The following ZP1 variants were observed in gnomAD, a reference collection of about 807,000 sequenced individuals.
ZP1 encodes the protein zona pellucida sperm-binding protein 1.
A neutral mutation model predicts 67.4 loss-of-function variants in ZP1; 58 were observed. The ratio of observed to expected loss-of-function variants is 0.86; its 90% CI spans 0.70 to 1.07. The LOEUF (loss-of-function observed/expected upper bound fraction) is 1.07. ZP1 is among the 50% of genes least tolerant of loss of function. The pLI is 0.00. For synonymous variants in ZP1, 333 were observed against 332.7 expected (o/e 1.00, Z -0.01); for missense variants, 759 against 807.3 (o/e 0.94, Z 0.72).
rs1219662511 is a variant in ZP1 at position 60,869,167 on chromosome 11, TG to T, written c.220del (p.Val74SerfsTer39). ...VVDEFGNRFDVNNCSICYHWV... is the reference protein window; with the variant it reads ...VVDEFGNRFDXNNCSICYHWV... Reference sequence around the variant, plus strand: ...CAGATGAATTTGGGAACCGATTTGATGTCAACAACTGCTCCATCTGCTACCA... The same window carrying T: ...CAGATGAATTTGGGAACCGATTTGATTCAACAACTGCTCCATCTGCTACCA... On this transcript the variant is annotated frameshift_variant, in exon 2 of 12. Coordinates refer to ENST00000278853, the MANE Select transcript of ZP1 (RefSeq NM_207341.4). LOFTEE classifies it high-confidence loss of function. 2.5e-6 allele frequency: 4 copies of T among 1,614,014 alleles called. No homozygotes were observed. The highest frequency in any genetic ancestry group is 1.1e-5 in the South Asian group (1 of 91,084).
rs777489632 is a variant in ZP1 at position 60,873,508 on chromosome 11, G to C, written c.1374G>C (p.Trp458Cys). The change falls in exon 8 of 12, where the codon TGG becomes TGC. Residue 458 changes from tryptophan to cysteine, a missense_variant. By Grantham distance (215) the Trp-to-Cys change is radical. Transcript: ENST00000278853. ...TGGTCCTGCTGCTGCACCAGTGCTGGGGCGCTCCCAGTGCCAACCCCTTCC... is the reference window on the plus strand; with the variant it reads ...TGGTCCTGCTGCTGCACCAGTGCTGCGGCGCTCCCAGTGCCAACCCCTTCC... ...PNLVLLLHQC[W>C]GAPSANPFQQ... The C allele has an allele frequency of 1.2e-6, 2 of 1,613,218 alleles. No individual in the cohort carries two copies. Among genetic ancestry groups the C allele is most frequent in the Non-Finnish European group, 1.7e-6 (2 of 1,179,586 alleles).
In ZP1 at chr11:60,871,325, CCCT is replaced by C; in HGVS notation, c.1112+18_1112+20del. 1 of 1,613,022 alleles carries C rather than the reference CCCT, an allele frequency of 6.2e-7. No individual in the cohort carries two copies. The highest frequency in any genetic ancestry group is 1.3e-5 in the African/African-American group (1 of 75,050). Reference sequence around the variant, plus strand: ...GGACAGCACCTTCCAGTAAGGGCAGCCCTCCTCCTACAGGCGTGGCTGTGTGCT... The same window carrying C: ...GGACAGCACCTTCCAGTAAGGGCAGCCCTCCTACAGGCGTGGCTGTGTGCT... On this transcript the variant is annotated intron_variant, in intron 6 of 11. Coordinates refer to ENST00000278853, the MANE Select transcript of ZP1 (RefSeq NM_207341.4).
intron 9 of ZP1, 33 bp from the exon 10 acceptor site, chr11:60,874,900 C>A (rs2134840239): frequency 6.2e-7 from 1 of 1,610,142 alleles, no homozygotes; most frequent in Non-Finnish European, 8.5e-7. Context: ...TGGCACTGAG[C>A]CAGCCACTTT....
At chr11:60,867,885 C>T (rs1485510666) in intron 1 of ZP1, 128 bp downstream of exon 1, 6 of 1,015,290 alleles carry the variant, frequency 5.9e-6, no homozygotes, top group Non-Finnish European at 7.1e-6. Flanking sequence ...TCCAGCCCCC[C>T]ACCCCCTCAC....
rs759012597 is a variant in ZP1 at position 60,873,518 on chromosome 11, A to C, written c.1384A>C (p.Ser462Arg). Residue 462 changes from serine (S) to arginine (R), a missense_variant, in exon 8 of 12, where the codon AGT becomes CGT. Physicochemically the swap from Ser to Arg is moderately radical, Grantham distance 110 (BLOSUM62 -1). Transcript: ENST00000278853. The part of the protein sequence containing the change: ...LLLHQCWGAP[S>R]ANPFQQPQWP... ...GCTGCACCAGTGCTGGGGCGCTCCC[A>C]GTGCCAACCCCTTCCAGCAGCCCCA... The C allele has an allele frequency of 1.2e-6, 2 of 1,613,022 alleles. No homozygotes were observed. Among genetic ancestry groups the C allele is most frequent in the Admixed American group, 1.7e-5 (1 of 59,980 alleles).
intron 6 of ZP1, among the ~76,000 whole-genome samples, chr11:60,872,820 C>T (rs1855604845): frequency 6.6e-6 from 1 of 152,166 alleles, no homozygotes; most frequent in African/African-American, 2.4e-5. Flanking sequence ...GCTCCAGGGG[C>T]CTCGAACGGC....
chr11:60,873,622 T>C lies in ZP1; in HGVS notation c.1431-12T>C. On this transcript the variant is annotated splice_polypyrimidine_tract_variant and intron_variant, in intron 8 of 11. Coordinates refer to ENST00000278853, the MANE Select transcript of ZP1 (RefSeq NM_207341.4). ...GCCTCCTGTAAACAGCCTCTCTGACTTCTCTTCTCAGATGCCCTTTCAAGG... is the reference window on the plus strand; with the variant it reads ...GCCTCCTGTAAACAGCCTCTCTGACCTCTCTTCTCAGATGCCCTTTCAAGG... The C allele has an allele frequency of 6.2e-7, 1 of 1,614,090 alleles. No homozygotes were observed. The highest frequency in any genetic ancestry group is 1.1e-5 in the South Asian group (1 of 91,082).
rs561457728 is a variant in ZP1, at chr11:60,867,639, G to A, written c.78G>A (p.Arg26=). The change falls in exon 1 of 12, where the codon AGG becomes AGA. Residue 26 remains arginine, a synonymous_variant. Transcript: ENST00000278853. ...LLLVATLGLG[R]WLQPDPGLPG... ...TGGTTGCCACCCTGGGGCTGGGTAGGTGGCTCCAGCCCGACCCTGGCCTCC... is the reference window on the plus strand; with the variant it reads ...TGGTTGCCACCCTGGGGCTGGGTAGATGGCTCCAGCCCGACCCTGGCCTCC... 7 of 1,613,986 alleles carry A rather than the reference G, an allele frequency of 4.3e-6. No individual in the cohort carries two copies. In the South Asian group the frequency reaches 6.6e-5, roughly 15 times the overall value.
rs759265502 is a variant in ZP1 at position 60,873,163 on chromosome 11, C to T, written c.1114C>T (p.Leu372Phe). 2.5e-6 allele frequency: 4 copies of T among 1,574,008 alleles called. No homozygotes were observed. The highest frequency in any genetic ancestry group is 3.4e-6 in the Non-Finnish European group (4 of 1,160,932). Residue 372 changes from leucine (L) to phenylalanine (F), a missense_variant and splice_region_variant, in exon 7 of 12, where the codon CTT (leucine) becomes TTT (phenylalanine). Transcript: ENST00000278853. ...CACCCTCTTGCACGTGGACTTCAGG[C>T]TTCATGTGCGCTGTGTCTTCAACGC... ...GSITRDSTFQ[L>F]HVRCVFNASD...
intron 1 of ZP1, 101 bp downstream of exon 1, chr11:60,867,858 C>A: frequency 7.3e-7 from 1 of 1,365,386 alleles, no homozygotes; most frequent in Non-Finnish European, 1.0e-6. Flanking sequence ...CAGAGGCCTC[C>A]CTCCAGCCTG....
At chr11:60,870,002 G>C (rs1590591489) in intron 3 of ZP1, 102 bp downstream of exon 3, 1 of 1,374,698 alleles carries the variant, frequency 7.3e-7, no homozygotes, top group Non-Finnish European at 9.6e-7. Flanking sequence ...TTCTTTTTTT[G>C]TTTTTTTCTT....
Position 60,875,137 on chromosome 11 carries a change from C to A in ZP1, c.1663C>A (p.Arg555=), listed in dbSNP as rs376071335. 1 of 1,613,882 alleles carries A rather than the reference C, an allele frequency of 6.2e-7. No homozygotes were observed. Among genetic ancestry groups the A allele is most frequent in the Non-Finnish European group, 8.5e-7 (1 of 1,180,006 alleles). ...ATTCTTCCCCTGGGCAGGACAGCGA[C>A]GATCCTCAGGTCACCGTAATGACAC... ...ACSTGTTRQR[R]SSGHRNDTAR... is the part of the protein sequence containing the mutation. Residue 555 remains arginine, a synonymous_variant, in exon 11 of 12, where the codon CGA becomes AGA. Coordinates refer to ENST00000278853, the MANE Select transcript of ZP1 (RefSeq NM_207341.4).
Position 60,875,508 on chromosome 11 carries a change from T to C in ZP1, c.1775-6T>C, listed in dbSNP as rs778995479. Reference sequence around the variant, plus strand: ...CCCAGCCCTGCCAATCCCGTCTCTCTGACAGACTCCAATGGGAACTCCAGC... The same window carrying C: ...CCCAGCCCTGCCAATCCCGTCTCTCCGACAGACTCCAATGGGAACTCCAGC... On this transcript the variant is annotated splice_polypyrimidine_tract_variant and splice_region_variant and intron_variant, in intron 11 of 11. Coordinates refer to ENST00000278853, the MANE Select transcript of ZP1 (RefSeq NM_207341.4). 27 of 1,613,678 alleles carry C rather than the reference T, an allele frequency of 1.7e-5. No individual in the cohort carries two copies. The South Asian group carries it at 2.5e-4, about 15-fold the overall frequency.
At position 60,874,946 on chromosome 11, in the gene ZP1, G is replaced by C. The variant is rs768652431; in HGVS notation, c.1586G>C (p.Cys529Ser). The part of the protein sequence containing the change: ...RALRGLVYLF[C>S]STSACHTSGL... ...TCCTTCCACCAGGTTTACTTGTTCTGCAGCACCTCTGCCTGCCACACCTCA... is the reference window on the plus strand; with the variant it reads ...TCCTTCCACCAGGTTTACTTGTTCTCCAGCACCTCTGCCTGCCACACCTCA... Residue 529 changes from cysteine (C) to serine (S), a missense_variant, in exon 10 of 12, where the codon TGC becomes TCC. Transcript: ENST00000278853. 1.2e-6 allele frequency: 2 copies of C among 1,614,198 alleles called. No homozygotes were observed. Among genetic ancestry groups the C allele is most frequent in the South Asian group, 2.2e-5 (2 of 91,088 alleles).
At position 60,873,793 on chromosome 11, in the gene ZP1, C is replaced by A. The variant is rs373714393; in HGVS notation, c.1572+18C>A. The A allele has an allele frequency of 3.1e-6, 5 of 1,612,514 alleles. No individual in the cohort carries two copies. Among genetic ancestry groups the A allele is most frequent in the Non-Finnish European group, 4.2e-6 (5 of 1,180,004 alleles). On this transcript the variant is annotated intron_variant, in intron 9 of 11. Transcript: ENST00000278853. ...GAGGACTGGTAAGAAGCCCCGGCTG[C>A]CGCATGCCTGGTCCCATCTGTTAAG... is the stretch of plus-strand genomic sequence containing the variant.
In ZP1 at chr11:60,867,737, C is replaced by T; in HGVS notation, c.176C>T (p.Thr59Ile). ...CTGGTGTTCCCCAGGCCAGGCCAGA[C>T]TCTCCGCTTCAAGGTGGTGGGTGAG... The part of the protein sequence containing the change: ...QLLVFPRPGQ[T>I]LRFKVVDEFG... Residue 59 changes from threonine to isoleucine, a missense_variant, in exon 1 of 12, where the codon ACT (threonine) becomes ATT (isoleucine). Transcript: ENST00000278853. 6.2e-7 allele frequency: 1 copy of T among 1,613,830 alleles called. No individual in the cohort carries two copies. The highest frequency in any genetic ancestry group is 1.1e-5 in the South Asian group (1 of 91,020).
In ZP1 at chr11:60,869,573, G is replaced by A. The variant is rs776920508; in HGVS notation, c.355G>A (p.Val119Met). The change falls in exon 3 of 12, where the codon GTG (valine) becomes ATG (methionine). Residue 119 changes from valine (V) to methionine (M), a missense_variant. Transcript: ENST00000278853. ...RFHLRVFMEAVLPNGRVDVAQ... is the reference protein window; with the variant it reads ...RFHLRVFMEAMLPNGRVDVAQ... ...CCACCTGAGGGTGTTCATGGAGGCT[G>A]TGCTGCCCAATGGTCGTGTGGATGT... is the stretch of plus-strand genomic sequence containing the variant. 6 of 1,612,524 alleles carry A rather than the reference G, an allele frequency of 3.7e-6. No homozygotes were observed. Among genetic ancestry groups the A allele is most frequent in the African/African-American group, 2.7e-5 (2 of 74,854 alleles).
chr11:60,873,056 C>T, intron 6 of ZP1, 106 bp from the exon 7 acceptor site: 1 of 1,302,364 alleles, frequency 7.7e-7, no homozygotes, highest in Non-Finnish European at 1.1e-6. Flanking sequence ...CCCTGCTGGA[C>T]AGTACCCTAT....
Position 60,873,628 on chromosome 11 carries a change from T to C in ZP1, c.1431-6T>C. On this transcript the variant is annotated splice_region_variant and splice_polypyrimidine_tract_variant and intron_variant, in intron 8 of 11. Transcript: ENST00000278853. ...TGTAAACAGCCTCTCTGACTTCTCT[T>C]CTCAGATGCCCTTTCAAGGGCGACA... is the stretch of plus-strand genomic sequence containing the variant. 1 of 1,614,074 alleles carries C rather than the reference T, an allele frequency of 6.2e-7. No individual in the cohort carries two copies. The highest frequency in any genetic ancestry group is 1.3e-5 in the African/African-American group (1 of 75,018).
Sources: allele counts gnomAD v4.1 joint callset (sites outside exome capture counted in the v4.1 genomes callset), GRCh38; gene constraint gnomAD v4.1.1; transcripts MANE v1.5; gene names NCBI Gene and HGNC (gene_info 2026-07-23, HGNC 2026-07-21).